PRICKLE2: variants seen among roughly 807,000 people sequenced by gnomAD.
PRICKLE2 encodes the protein prickle planar cell polarity protein 2, also known as prickle-like protein 2.
PRICKLE2 carries 21 observed loss-of-function variants against 81.4 expected under a neutral mutation model. That is an observed-to-expected ratio of 0.26 (90% CI 0.18 to 0.37). The LOEUF (loss-of-function observed/expected upper bound fraction) is 0.37. Ranked by LOEUF, PRICKLE2 falls within the 10% of genes least tolerant of loss-of-function variation. The pLI, the probability that PRICKLE2 is intolerant of heterozygous loss-of-function variation, is 1.00. For synonymous variants in PRICKLE2, 456 were observed against 421.5 expected, an observed-to-expected ratio of 1.08 and a Z score of -1.00; for missense variants, 940 against 1,109.0, an observed-to-expected ratio of 0.85 and a Z score of 2.16.
At chr3:64,161,429 C>T (rs1299176649) in intron 3 of PRICKLE2, among the ~76,000 whole-genome samples, 1 of 152,106 alleles carries the variant, frequency 6.6e-6, no homozygotes, top group Non-Finnish European at 1.5e-5. Context: ...ACTGTCACAT[C>T]CTAATTTGAA....
At chr3:64,198,687 G>A (rs1367641256) in intron 2 of PRICKLE2, 97 bp downstream of exon 2, 23 of 1,353,300 alleles carry the variant, frequency 1.7e-5, no homozygotes, top group Non-Finnish European at 2.3e-5. Context: ...CTCTGAATCA[G>A]CAAAGTCTAC....
chr3:64,136,871 G>T lies in PRICKLE2; in HGVS notation c.1660+9959C>A, dbSNP rs547376302. Among the ~76,000 whole-genome samples, 119 of 152,278 alleles carry T rather than the reference G, an allele frequency of 7.8e-4. 2 individuals carry two copies. Among genetic ancestry groups the T allele is most frequent in the South Asian group, 3.1e-3 (15 of 4,822 alleles). On this transcript the variant is annotated intron_variant, in intron 7 of 7. Coordinates refer to ENST00000638394, the MANE Select transcript of PRICKLE2 (RefSeq NM_198859.4). ...TAAATACAGATCATTTAAAAAAACT[G>T]CCTATATGTCCAATTCTGGAGGTGT...
intron 2 of PRICKLE2, among the ~76,000 whole-genome samples, chr3:64,240,206 C>T (rs962322947): frequency 1.3e-5 from 2 of 152,032 alleles, no homozygotes; most frequent in African/African-American, 2.4e-5. Flanking sequence ...ATAAGGGACA[C>T]CTGGGTTTGG....
chr3:64,259,400 AG>A (rs1419129752), intron 2 of PRICKLE2, among the ~76,000 whole-genome samples: 1 of 152,182 alleles, frequency 6.6e-6, no homozygotes, highest in Non-Finnish European at 1.5e-5. Context: ...GTGAGGAAAT[AG>A]GCCTGACTCC....
At chr3:64,116,915 C>T (rs1069982) in intron 7 of PRICKLE2, among the ~76,000 whole-genome samples, 109,247 of 152,058 alleles carry the variant, frequency 0.72, 40,737 homozygotes, top group South Asian at 0.85. Flanking sequence ...GTCAGGCCAA[C>T]ATCCTTGATG....
At chr3:64,248,735 C>T (rs977139710) in intron 2 of PRICKLE2, among the ~76,000 whole-genome samples, 7 of 151,724 alleles carry the variant, frequency 4.6e-5, no homozygotes, top group Admixed American at 4.6e-4. Context: ...ATCTTTGATC[C>T]TAATGAACAT....
chr3:64,145,034 T>C (rs539791630), intron 7 of PRICKLE2, among the ~76,000 whole-genome samples: 40 of 117,866 alleles, frequency 3.4e-4, no homozygotes, highest in Admixed American at 1.2e-3. Context: ...CGTTACTCTA[T>C]TTTTTCCCAC....
At chr3:64,256,345 A>G (rs1559606891) in intron 2 of PRICKLE2, among the ~76,000 whole-genome samples, 1 of 152,168 alleles carries the variant, frequency 6.6e-6, no homozygotes, top group Non-Finnish European at 1.5e-5. Context: ...GGAGACCTGT[A>G]TTTCGGAAAG....
intron 1 of PRICKLE2, chr3:64,199,974 T>C (rs2078541135): frequency 1.3e-5 from 2 of 152,218 alleles, no homozygotes; most frequent in South Asian, 4.1e-4. Flanking sequence ...TGATAACAGC[T>C]TTGTGAAGAT....
chr3:64,206,444 C>T (rs2078691069), intron 1 of PRICKLE2, among the ~76,000 whole-genome samples: 1 of 152,250 alleles, frequency 6.6e-6, no homozygotes, highest in South Asian at 2.1e-4. Flanking sequence ...GCCACCATGT[C>T]TTAACCTCTT....
intron 2 of PRICKLE2, among the ~76,000 whole-genome samples, chr3:64,196,888 C>G (rs1368589930): frequency 6.6e-6 from 1 of 152,148 alleles, no homozygotes; most frequent in African/African-American, 2.4e-5. Flanking sequence ...GAATGAGATT[C>G]CAGATCTTCA....
chr3:64,157,783 G>A lies in PRICKLE2; in HGVS notation c.397-418C>T, dbSNP rs922135482. 2.6e-5 allele frequency among the ~76,000 whole-genome samples: 4 copies of A among 152,140 alleles called. No homozygotes were observed. The East Asian group carries it at 5.8e-4, about 22-fold the overall frequency. ...TGGGGAGGGAGGTGGGTGGGAGGAC[G>A]GGGCTTGGAGGAGGTGGGACCTATA... On this transcript the variant is annotated intron_variant, in intron 4 of 7. Coordinates refer to ENST00000638394, the MANE Select transcript of PRICKLE2 (RefSeq NM_198859.4).
chr3:64,181,611 GA>G (rs372563429), intron 2 of PRICKLE2, among the ~76,000 whole-genome samples: 2 of 150,290 alleles, frequency 1.3e-5, no homozygotes, highest in Non-Finnish European at 3.0e-5. Flanking sequence ...GGATTGAAAA[GA>G]AAAAAAAACA....
chr3:64,250,491 A>G (rs1237405663), intron 2 of PRICKLE2, among the ~76,000 whole-genome samples: 1 of 151,650 alleles, frequency 6.6e-6, no homozygotes, highest in African/African-American at 2.4e-5. Flanking sequence ...CAAACTGACA[A>G]CCAGAGCATC....
intron 2 of PRICKLE2, among the ~76,000 whole-genome samples, chr3:64,230,574 C>T (rs530419281): frequency 6.6e-6 from 1 of 152,318 alleles, no homozygotes; most frequent in Admixed American, 6.5e-5. Context: ...GAGTTATCCT[C>T]AACAGTTTCT....
In PRICKLE2 at chr3:64,236,315, T is replaced by C. The variant is rs534059875; in HGVS notation, c.129-37348A>G. 1.3e-4 allele frequency among the ~76,000 whole-genome samples: 20 copies of C among 152,226 alleles called. No homozygotes were observed. The South Asian group carries it at 3.1e-3, about 24-fold the overall frequency. ...GCACATAGTAGGTCCTCAATAAATA[T>C]GGGTTGAATAAAGAAATGAAAGAAG... is the stretch of plus-strand genomic sequence containing the variant. On this transcript the variant is annotated intron_variant, in intron 2 of 8. Coordinates refer to the PRICKLE2 transcript ENST00000295902.
intron 2 of PRICKLE2, among the ~76,000 whole-genome samples, chr3:64,186,337 A>C (rs1307530441): frequency 2.6e-5 from 4 of 152,234 alleles, no homozygotes; most frequent in African/African-American, 9.6e-5. Flanking sequence ...AGATGAGATG[A>C]AAGTTTGGGG....
chr3:64,257,224 C>A (rs2079539023), intron 2 of PRICKLE2, among the ~76,000 whole-genome samples: 1 of 152,196 alleles, frequency 6.6e-6, no homozygotes, highest in Non-Finnish European at 1.5e-5. Context: ...TGGTTCCCAA[C>A]CTTTTTGGGC....
At chr3:64,165,717 C>G (rs2077817951) in intron 2 of PRICKLE2, among the ~76,000 whole-genome samples, 1 of 152,232 alleles carries the variant, frequency 6.6e-6, no homozygotes, top group African/African-American at 2.4e-5. Flanking sequence ...CTATGTTGAC[C>G]AAGTTGGTCT....
Sources: allele counts gnomAD v4.1 joint callset (sites outside exome capture counted in the v4.1 genomes callset), GRCh38; gene constraint gnomAD v4.1.1; transcripts MANE v1.5; gene names NCBI Gene and HGNC (gene_info 2026-07-23, HGNC 2026-07-21).